Variants in LRRFIP1 observed in about 807,000 individuals in gnomAD.
LRRFIP1 encodes the protein leucine-rich repeat flightless-interacting protein 1.
A neutral mutation model predicts 104.4 loss-of-function variants in LRRFIP1; 62 were observed. The ratio of observed to expected loss-of-function variants is 0.59; its 90% CI spans 0.48 to 0.73. The LOEUF is 0.73. Among genes scored for constraint, LRRFIP1 ranks in the 30% least tolerant of loss-of-function variants. LRRFIP1 has a pLI of 0.00. For missense variants in LRRFIP1, 796 were observed against 824.5 expected, an observed-to-expected ratio of 0.97 and a Z score of 0.42; for synonymous variants, 300 against 299.0, an observed-to-expected ratio of 1.00 and a Z score of -0.03.
intron 13 of LRRFIP1, 49 bp downstream of exon 13, chr2:237,749,373 A>G: frequency 6.3e-7 from 1 of 1,599,662 alleles, no homozygotes; most frequent in Non-Finnish European, 8.5e-7. Flanking sequence ...TTTTGTAAAA[A>G]TCAGTCTTTA....
chr2:237,627,621 C>T lies in LRRFIP1; in HGVS notation c.-24C>T, dbSNP rs1313240768. The T allele has an allele frequency of 7.9e-7, 1 of 1,272,606 alleles. No homozygotes were observed. Among genetic ancestry groups the T allele is most frequent in the Middle Eastern group, 2.9e-4 (1 of 3,390 alleles). 78.8% of individuals were successfully genotyped at this position (1,272,606 alleles called of 1,614,324 possible). ...CGAGCGGCTGGAGCAACGGGCCCCG[C>T]GGCAGCTGCGGGCGACGCGGTCGAT... On this transcript the variant is annotated 5_prime_UTR_variant, in exon 1 of 24. Coordinates refer to ENST00000308482, the MANE Select transcript of LRRFIP1 (RefSeq NM_001137550.2).
chr2:237,717,746 TC>T lies in LRRFIP1; in HGVS notation c.202-13del. On this transcript the variant is annotated splice_polypyrimidine_tract_variant and intron_variant, in intron 3 of 23. Transcript: ENST00000308482. The surrounding 1 kb of genome is among the most constrained non-coding windows in gnomAD (Gnocchi z 4.2). ...ATTTCACTTCTTGCCTAATTTTCTT[TC>T]CCTTCTGTCTATAGAAATATTATGG... 6.2e-7 allele frequency: 1 copy of T among 1,601,942 alleles called. No homozygotes were observed. Among genetic ancestry groups the T allele is most frequent in the Non-Finnish European group, 8.6e-7 (1 of 1,168,858 alleles).
intron 12 of LRRFIP1, among the ~76,000 whole-genome samples, chr2:237,748,959 A>G (rs143908022): frequency 1.1e-4 from 16 of 152,308 alleles, no homozygotes; most frequent in African/African-American, 3.4e-4. Context: ...CCTTCTTCAC[A>G]AGGCGACAGG....
rs145229498 is a variant in LRRFIP1, at chr2:237,759,997, G to A, written c.1318-67G>A. ...AAAAATGGTTTTCTTTTTTATTATT[G>A]TATTAAAACAGAGTTTAACCTAATA... On this transcript the variant is annotated intron_variant, in intron 18 of 23. Transcript: ENST00000308482. 167 of 1,458,764 alleles carry A rather than the reference G, an allele frequency of 1.1e-4. No homozygotes were observed. The African/African-American group carries it at 1.9e-3, about 17-fold the overall frequency. 90.4% of individuals were successfully genotyped at this position (1,458,764 alleles called of 1,614,324 possible). A position where few individuals can be genotyped will look rare whatever the true frequency, so the allele number is the denominator to read the frequency against.
chr2:237,670,049 AT>A (rs1366407937), intron 1 of LRRFIP1, among the ~76,000 whole-genome samples: 1 of 152,352 alleles, frequency 6.6e-6, no homozygotes, highest in East Asian at 1.9e-4. Context: ...CATTTGACAA[AT>A]GGTGGGAGAT....
Position 237,719,528 on chromosome 2 carries a change from CAGTG to C in LRRFIP1, c.258_261del (p.Glu87AlafsTer27), listed in dbSNP as rs754161178. The C allele has an allele frequency of 1.2e-6, 2 of 1,612,904 alleles. No individual in the cohort carries two copies. Among genetic ancestry groups the C allele is most frequent in the African/African-American group, 1.3e-5 (1 of 74,880 alleles). On this transcript the variant is annotated frameshift_variant, in exon 5 of 24. Transcript: ENST00000308482. LOFTEE classifies it high-confidence loss of function. ...TGCTGTTTCTTCATTGTTAGGAAGA[CAGTG>C]AGCGCTACTCTCGTAGATCCAGAAG...
intron 1 of LRRFIP1, among the ~76,000 whole-genome samples, chr2:237,632,640 T>G (rs1012499547): frequency 2.0e-5 from 3 of 152,226 alleles, no homozygotes; most frequent in African/African-American, 4.8e-5. Context: ...CCTGTCTCTC[T>G]TCTCCTCAAG....
chr2:237,737,159 C>T (rs1360596351), intron 10 of LRRFIP1, among the ~76,000 whole-genome samples: 2 of 152,210 alleles, frequency 1.3e-5, no homozygotes, highest in African/African-American at 4.8e-5. Flanking sequence ...AAGTGACTTT[C>T]TTCGGTGTTG....
At chr2:237,639,591 T>C (rs1444257675) in intron 1 of LRRFIP1, among the ~76,000 whole-genome samples, 4 of 152,236 alleles carry the variant, frequency 2.6e-5, no homozygotes, top group Admixed American at 6.5e-5. Context: ...GGTTTATCTT[T>C]GGGCTTATCT....
At chr2:237,698,324 G>T (rs564101176) in intron 1 of LRRFIP1, among the ~76,000 whole-genome samples, 1 of 152,206 alleles carries the variant, frequency 6.6e-6, no homozygotes, top group Non-Finnish European at 1.5e-5. Flanking sequence ...TTCAAAAACC[G>T]AGTAACTTAT....
At chr2:237,776,745 G>C (rs77719131) in intron 23 of LRRFIP1, among the ~76,000 whole-genome samples, 2 of 152,236 alleles carry the variant, frequency 1.3e-5, no homozygotes, top group African/African-American at 4.8e-5. Flanking sequence ...GTCCACTTCT[G>C]ATTTTTGCAT....
At chr2:237,628,344 A>G (rs11683452) in intron 1 of LRRFIP1, among the ~76,000 whole-genome samples, 68,156 of 152,114 alleles carry the variant, frequency 0.45, 15,512 homozygotes, top group South Asian at 0.47. Context: ...AGTTTCCTGG[A>G]CAGAGTTTAT....
chr2:237,761,213 CAGCTCTT>C (rs1366181260), intron 19 of LRRFIP1, among the ~76,000 whole-genome samples: 1 of 152,214 alleles, frequency 6.6e-6, no homozygotes, highest in Non-Finnish European at 1.5e-5. Flanking sequence ...TAAAGAAACA[CAGCTCTT>C]TTCAATTGTG....
chr2:237,727,815 T>C (rs2094822947), intron 7 of LRRFIP1, 61 bp from the exon 8 acceptor site: 1 of 1,297,308 alleles, frequency 7.7e-7, no homozygotes, highest in Non-Finnish European at 1.1e-6. Context: ...CCCTGCTGAT[T>C]TGTACCTGTG....
At chr2:237,701,635 T>G (rs2093536380) in intron 1 of LRRFIP1, among the ~76,000 whole-genome samples, 1 of 152,188 alleles carries the variant, frequency 6.6e-6, no homozygotes, top group Non-Finnish European at 1.5e-5. Context: ...TGGGAATCTC[T>G]GGGGCTCTGA....
chr2:237,709,482 G>C (rs3769092), intron 2 of LRRFIP1, among the ~76,000 whole-genome samples: 26,274 of 152,202 alleles, frequency 0.17, 2,919 homozygotes, highest in East Asian at 0.31. Context: ...TTAATACACA[G>C]GTTGTTGTTT....
chr2:237,648,239 C>A (rs1289463905), intron 1 of LRRFIP1, among the ~76,000 whole-genome samples: 1 of 151,910 alleles, frequency 6.6e-6, no homozygotes, highest in African/African-American at 2.4e-5. Flanking sequence ...CAACTCAGCA[C>A]CCGTGTTCTA....
intron 23 of LRRFIP1, among the ~76,000 whole-genome samples, chr2:237,777,367 C>T (rs999348208): frequency 3.3e-5 from 5 of 152,254 alleles, no homozygotes; most frequent in African/African-American, 1.2e-4. Flanking sequence ...CACTGAAGTA[C>T]ATACTGTAGA....
intron 1 of LRRFIP1, among the ~76,000 whole-genome samples, chr2:237,678,518 T>A (rs562417737): frequency 3.9e-5 from 6 of 152,098 alleles, no homozygotes; most frequent in Admixed American, 3.9e-4. Context: ...TTTTTTTTCT[T>A]TTTTTGAGAC....
Sources: gnomAD v4.1 joint callset for allele counts (sites outside exome capture counted in the v4.1 genomes callset) on GRCh38, gnomAD v4.1.1 for gene constraint, Gnocchi (gnomAD v3.1) non-coding constraint, MANE v1.5 for transcripts, NCBI Gene and HGNC (gene_info 2026-07-23, HGNC 2026-07-21) for gene names.